Variants in MIA2 observed in about 807,000 individuals in gnomAD.
MIA2 encodes melanoma inhibitory activity protein 2.
MIA2 carries 127 observed loss-of-function variants against 167.8 expected under a neutral mutation model. That is an observed-to-expected ratio of 0.76 (90% CI 0.66 to 0.88). The LOEUF (loss-of-function observed/expected upper bound fraction) is 0.88. Ranked by LOEUF, MIA2 falls within the 40% of genes least tolerant of loss-of-function variation. The pLI is 0.00. For missense variants in MIA2, 1,690 were observed against 1,624.7 expected, an observed-to-expected ratio of 1.04 and a Z score of -0.69; for synonymous variants, 552 against 541.9, an observed-to-expected ratio of 1.02 and a Z score of -0.26.
At chr14:39,332,381 G>A (rs2069113413) in intron 25 of MIA2, among the ~76,000 whole-genome samples, 2 of 152,074 alleles carry the variant, frequency 1.3e-5, no homozygotes, top group South Asian at 2.1e-4. Context: ...CTTGCATTAG[G>A]TTAGAATATG....
In MIA2 at chr14:39,299,854, T is replaced by G; in HGVS notation, c.2497-10T>G. On this transcript the variant is annotated splice_polypyrimidine_tract_variant and intron_variant, in intron 13 of 28. Transcript: ENST00000640607. Reference sequence around the variant, plus strand: ...GTGATGAGTTGCATTTTTAAAATTTTCATTTTCAGCTTTTGCAAGAAGCTG... The same window carrying G: ...GTGATGAGTTGCATTTTTAAAATTTGCATTTTCAGCTTTTGCAAGAAGCTG... 6.3e-7 allele frequency: 1 copy of G among 1,596,906 alleles called. No individual in the cohort carries two copies. Among genetic ancestry groups the G allele is most frequent in the Non-Finnish European group, 8.5e-7 (1 of 1,176,052 alleles).
chr14:39,347,530 C>CT (rs1411431585), intron 26 of MIA2, 183 bp from the exon 27 acceptor site: 1 of 591,062 alleles, frequency 1.7e-6, no homozygotes, highest in African/African-American at 1.9e-5. Flanking sequence ...TCATAGAACT[C>CT]TGAGTCTGCC....
chr14:39,363,623 T>TA (rs2139291413), intron 23 of MIA2, among the ~76,000 whole-genome samples: 1 of 152,398 alleles, frequency 6.6e-6, no homozygotes, highest in East Asian at 1.9e-4. Flanking sequence ...CCGTAACTAT[T>TA]ACTGCATTGG....
Position 39,297,892 on chromosome 14 carries a change from A to G in MIA2, c.2497-1972A>G, listed in dbSNP as rs113946524. On this transcript the variant is annotated intron_variant, in intron 13 of 28. Transcript: ENST00000640607. ...TCATGAGGCTTTCTAGGGTATATCA[A>G]ATCAGCCTACTTTTGGGTGTTCCTA... Among the ~76,000 whole-genome samples the G allele has an allele frequency of 3.3e-5, 5 of 152,194 alleles. 1 individual carries two copies. Among genetic ancestry groups the G allele is most frequent in the African/African-American group, 1.2e-4 (5 of 41,516 alleles).
At chr14:39,356,299 G>A (rs1480389881), downstream of MIA2, among the ~76,000 whole-genome samples, 1 of 152,174 alleles carries the variant, frequency 6.6e-6, no homozygotes, top group East Asian at 1.9e-4. Flanking sequence ...TATGTATTGA[G>A]GAATTTATCC....
chr14:39,366,322 G>C (rs937156691), intron 23 of MIA2, among the ~76,000 whole-genome samples: 2 of 152,126 alleles, frequency 1.3e-5, no homozygotes, highest in Non-Finnish European at 2.9e-5. Flanking sequence ...GGGTAACTTT[G>C]TTGGGTGCTG....
At chr14:39,297,855 T>G in intron 13 of MIA2, among the ~76,000 whole-genome samples, 1 of 152,184 alleles carries the variant, frequency 6.6e-6, no homozygotes, top group Non-Finnish European at 1.5e-5. Context: ...CCCTGGTATT[T>G]GTGCCTTCAA....
At chr14:39,235,053 T>C (rs1337485350) in intron 1 of MIA2, among the ~76,000 whole-genome samples, 2 of 151,642 alleles carry the variant, frequency 1.3e-5, no homozygotes, top group African/African-American at 4.9e-5. Context: ...TTTTTTTTTC[T>C]GAGATGGAGT....
chr14:39,332,668 G>C (rs1595732550), intron 25 of MIA2, among the ~76,000 whole-genome samples: 1 of 152,066 alleles, frequency 6.6e-6, no homozygotes, highest in African/African-American at 2.4e-5. Context: ...CTCTTGGCTA[G>C]GGGAGGAAAT....
chr14:39,371,527 T>A (rs2074947082), intron 23 of MIA2, among the ~76,000 whole-genome samples: 1 of 152,222 alleles, frequency 6.6e-6, no homozygotes, highest in African/African-American at 2.4e-5. Flanking sequence ...GTTATAATCA[T>A]GACAAACTAA....
downstream of MIA2, among the ~76,000 whole-genome samples, chr14:39,355,491 C>T (rs1434722358): frequency 1.4e-4 from 21 of 152,128 alleles, no homozygotes; most frequent in East Asian, 5.8e-4. Flanking sequence ...AATCATGTCC[C>T]CTGCAAACAG....
chr14:39,286,197 C>T (rs959577203), intron 9 of MIA2, among the ~76,000 whole-genome samples: 4 of 152,258 alleles, frequency 2.6e-5, no homozygotes, highest in African/African-American at 7.2e-5. Flanking sequence ...AATCCCGGCA[C>T]CTCGGGAGGC....
intron 23 of MIA2, among the ~76,000 whole-genome samples, chr14:39,375,307 T>C (rs8016848): frequency 0.026 from 3,947 of 152,358 alleles, 153 homozygotes; most frequent in African/African-American, 0.083. Context: ...GTTCATACTT[T>C]ATTCATTATT....
At chr14:39,324,659 T>G (rs1595622462) in intron 24 of MIA2, among the ~76,000 whole-genome samples, 1 of 151,914 alleles carries the variant, frequency 6.6e-6, no homozygotes, top group South Asian at 2.1e-4. Context: ...CAGGCTGGAG[T>G]GCAGTGGCAC....
intron 23 of MIA2, among the ~76,000 whole-genome samples, chr14:39,364,449 T>C (rs1595945544): frequency 6.6e-6 from 1 of 151,958 alleles, no homozygotes; most frequent in South Asian, 2.1e-4. Flanking sequence ...TTTTTTTGTT[T>C]TGTTTTTTTT....
intron 23 of MIA2, among the ~76,000 whole-genome samples, chr14:39,382,854 ATAC>A (rs1567063715): frequency 1.3e-5 from 2 of 152,036 alleles, no homozygotes; most frequent in Admixed American, 1.3e-4. Context: ...ATTATTTGAA[ATAC>A]TATTTATTAT....
At chr14:39,332,928 T>C (rs1263431863) in intron 25 of MIA2, among the ~76,000 whole-genome samples, 2 of 152,170 alleles carry the variant, frequency 1.3e-5, no homozygotes, top group Non-Finnish European at 2.9e-5. Flanking sequence ...GACTCTTTCC[T>C]TGTCATCTCC....
intron 2 of MIA2, among the ~76,000 whole-genome samples, chr14:39,238,805 A>ACAAAACAAAACAAAAC: frequency 7.5e-6 from 1 of 133,912 alleles, no homozygotes; most frequent in African/African-American, 3.1e-5. Flanking sequence ...AAAAAAAAAA[A>ACAAAACAAAACAAAAC]AAAAAACCCA....
intron 25 of MIA2, among the ~76,000 whole-genome samples, chr14:39,334,227 C>A (rs1326527917): frequency 6.6e-6 from 1 of 152,180 alleles, no homozygotes; most frequent in Non-Finnish European, 1.5e-5. Context: ...GTGATCCCAG[C>A]ACTTTGGGAG....
Sources: allele counts gnomAD v4.1 joint callset (sites outside exome capture counted in the v4.1 genomes callset), GRCh38; gene constraint gnomAD v4.1.1; transcripts MANE v1.5; gene names NCBI Gene and HGNC (gene_info 2026-07-23, HGNC 2026-07-21).